Variants in POLR2E observed in about 807,000 individuals in gnomAD.
POLR2E encodes the protein RNA polymerase II, I and III subunit E, also known as DNA-directed RNA polymerases I, II, and III subunit RPABC1.
In POLR2E, 35 loss-of-function variants were observed where a neutral mutation model predicts 29.8. The observed-to-expected ratio is 1.17, with a 90% CI of 0.90 to 1.55. The LOEUF is 1.55. POLR2E is among the 40% of genes most tolerant of loss of function. The probability of loss-of-function intolerance (pLI) is 0.00; values close to 1 mark genes in which losing one functional copy is unlikely to be tolerated. For missense variants in POLR2E, 287 were observed against 288.6 expected (o/e 0.99, Z 0.04); for synonymous variants, 174 against 112.6 (o/e 1.55, Z -3.45).
intron 6 of POLR2E, 23 bp downstream of exon 6, chr19:1,089,861 C>G: frequency 6.3e-7 from 1 of 1,587,026 alleles, no homozygotes; most frequent in Non-Finnish European, 8.6e-7. Flanking sequence ...AGCCCCAGGG[C>G]CCCTTCTCCC....
Position 1,095,253 on chromosome 19 carries a change from G to A in POLR2E, c.57+6C>T, listed in dbSNP as rs377537583. 6.8e-6 allele frequency: 11 copies of A among 1,612,636 alleles called. No homozygotes were observed. Among genetic ancestry groups the A allele is most frequent in the South Asian group, 1.1e-5 (1 of 91,042 alleles). On this transcript the variant is annotated splice_donor_region_variant and intron_variant, in intron 1 of 7. Coordinates refer to ENST00000615234, the MANE Select transcript of POLR2E (RefSeq NM_002695.5). Reference sequence around the variant, plus strand: ...GCCCCCGCCCCCAACACCAGGCGCGGCTCACCTGCATGATGGTCTTGCGGA... The same window carrying A: ...GCCCCCGCCCCCAACACCAGGCGCGACTCACCTGCATGATGGTCTTGCGGA...
At chr19:1,093,210 A>T (rs1568515643) in intron 2 of POLR2E, among the ~76,000 whole-genome samples, 1 of 152,024 alleles carries the variant, frequency 6.6e-6, no homozygotes, top group South Asian at 2.1e-4. Context: ...AAAAAAAAAC[A>T]AAAAAACCCA....
At chr19:1,089,838 G>C in intron 6 of POLR2E, 46 bp downstream of exon 6, 1 of 1,473,686 alleles carries the variant, frequency 6.8e-7, no homozygotes, top group Non-Finnish European at 9.4e-7. Context: ...TCTCCGAGTG[G>C]TCAGCTCAGA....
rs768065417 is a variant in POLR2E, at chr19:1,095,289, C to G, written c.27G>C (p.Arg9=). MDDEEETY[R]LWKIRKTIMQ... is the part of the protein sequence containing the mutation. Reference sequence around the variant, plus strand: ...TGATGGTCTTGCGGATTTTCCAGAGCCGGTACGTCTCCTCCTCGTCGTCCA... The same window carrying G: ...TGATGGTCTTGCGGATTTTCCAGAGGCGGTACGTCTCCTCCTCGTCGTCCA... Residue 9 remains arginine, a synonymous_variant, in exon 1 of 8, where the codon CGG becomes CGC. Coordinates refer to ENST00000615234, the MANE Select transcript of POLR2E (RefSeq NM_002695.5). The G allele has an allele frequency of 6.2e-6, 10 of 1,613,304 alleles. No individual in the cohort carries two copies. The highest frequency in any genetic ancestry group is 8.5e-6 in the Non-Finnish European group (10 of 1,179,786).
chr19:1,091,308 C>T (rs943487230), intron 3 of POLR2E, among the ~76,000 whole-genome samples: 1 of 152,312 alleles, frequency 6.6e-6, no homozygotes, highest in East Asian at 1.9e-4. Flanking sequence ...TGTGTGGCTG[C>T]GTGAACCCCA....
Position 1,090,926 on chromosome 19 carries a change from G to A in POLR2E, c.411C>T (p.Ile137=), listed in dbSNP as rs1345716100. ...LEQFLQQELL[I]NITEHELVPE... is the part of the protein sequence containing the mutation. ...CGCCCACCTCGTGCTCCGTGATGTTGATGAGCAGCTCCTGCTGCAGAAACT... is the reference window on the plus strand; with the variant it reads ...CGCCCACCTCGTGCTCCGTGATGTTAATGAGCAGCTCCTGCTGCAGAAACT... Residue 137 remains isoleucine, a synonymous_variant, in exon 4 of 8, where the codon ATC becomes ATT. Coordinates refer to ENST00000615234, the MANE Select transcript of POLR2E (RefSeq NM_002695.5). 4 of 1,613,376 alleles carry A rather than the reference G, an allele frequency of 2.5e-6. No individual in the cohort carries two copies. The highest frequency in any genetic ancestry group is 3.4e-6 in the Non-Finnish European group (4 of 1,179,890).
rs527981895 is a variant in POLR2E at position 1,088,257 on chromosome 19, C to G, written c.*478G>C. ...CAACCGAGAACTCCAGAGCTGGCAT[C>G]TCGCACCCTGGTGGCTTGAGCGCGT... On this transcript the variant is annotated 3_prime_UTR_variant, in exon 8 of 8. Transcript: ENST00000615234. 17 of 152,554 alleles carry G rather than the reference C, an allele frequency of 1.1e-4. No homozygotes were observed. Among genetic ancestry groups the G allele is most frequent in the Non-Finnish European group, 1.9e-4 (13 of 68,056 alleles). The allele number at this position is 152,554 out of a possible 1,614,324, so 9.5% of individuals were successfully genotyped here. A position where few individuals can be genotyped will look rare whatever the true frequency, so the allele number is the denominator to read the frequency against.
chr19:1,090,254 C>G (rs2043800147), intron 4 of POLR2E, 109 bp from the exon 5 acceptor site: 1 of 928,274 alleles, frequency 1.1e-6, no homozygotes, highest in African/African-American at 1.6e-5. Context: ...AGCCCTGAAC[C>G]CCACCCCGAT....
chr19:1,093,205 AAAAC>A (rs1338843115), intron 2 of POLR2E, among the ~76,000 whole-genome samples: 5 of 152,144 alleles, frequency 3.3e-5, no homozygotes, highest in African/African-American at 9.7e-5. Flanking sequence ...AAACAAAAAA[AAAAC>A]AAAAAAACCC....
chr19:1,089,580 A>G (rs756854412), intron 6 of POLR2E, 29 bp from the exon 7 acceptor site: 80 of 1,594,410 alleles, frequency 5.0e-5, no homozygotes, highest in Middle Eastern at 1.7e-4. Context: ...GGGGCTGCGA[A>G]TGCTTGAGGG....
At chr19:1,090,237 G>A (rs1241850629) in intron 4 of POLR2E, 92 bp from the exon 5 acceptor site, 18 of 1,096,622 alleles carry the variant, frequency 1.6e-5, no homozygotes, top group Middle Eastern at 2.8e-4. Context: ...GCCTTCAGAC[G>A]GACAAGAGCC....
intron 3 of POLR2E, among the ~76,000 whole-genome samples, 180 bp from the exon 4 acceptor site, chr19:1,091,168 G>A (rs1412063211): frequency 6.6e-6 from 1 of 152,220 alleles, no homozygotes; most frequent in Non-Finnish European, 1.5e-5. Context: ...CAGCCTCTCT[G>A]CTCATCGAGA....
intron 3 of POLR2E, 66 bp downstream of exon 3, chr19:1,091,726 G>A (rs929690956): frequency 2.1e-5 from 23 of 1,104,072 alleles, no homozygotes; most frequent in Non-Finnish European, 3.0e-5. Flanking sequence ...GGCCGCCTGT[G>A]GGTACTGCTT....
At chr19:1,093,449 G>A (rs1233263933) in intron 2 of POLR2E, among the ~76,000 whole-genome samples, 5 of 152,120 alleles carry the variant, frequency 3.3e-5, no homozygotes, top group African/African-American at 9.7e-5. Flanking sequence ...GACGAGTACC[G>A]GACGCTGACA....
In POLR2E at chr19:1,093,907, G is replaced by C. The variant is rs1366284293; in HGVS notation, c.229C>G (p.Pro77Ala). The C allele has an allele frequency of 6.3e-7, 1 of 1,594,680 alleles. No homozygotes were observed. Among genetic ancestry groups the C allele is most frequent in the East Asian group, 2.3e-5 (1 of 44,170 alleles). The change falls in exon 2 of 8, where the codon CCA becomes GCA. Residue 77 changes from proline to alanine, a missense_variant. Physicochemically the swap from Pro to Ala is conservative, Grantham distance 27 (BLOSUM62 -1). Coordinates refer to ENST00000615234, the MANE Select transcript of POLR2E (RefSeq NM_002695.5). ...TCCCCCGGGACCCGCTGCTCACCTGGAAAGAACACAAACATCTGGTCGGTG... is the reference window on the plus strand; with the variant it reads ...TCCCCCGGGACCCGCTGCTCACCTGCAAAGAACACAAACATCTGGTCGGTG... ...DPTDQMFVFF[P>A]EEPKVGIKTI...
At chr19:1,091,985 G>C (rs1000748926) in intron 2 of POLR2E, 78 bp from the exon 3 acceptor site, 1 of 991,634 alleles carries the variant, frequency 1.0e-6, no homozygotes, top group Non-Finnish European at 1.6e-6. Flanking sequence ...AGAGCACCCA[G>C]GTTCCAGCCC....
chr19:1,092,666 C>G (rs1003304220), intron 2 of POLR2E, among the ~76,000 whole-genome samples: 1 of 151,180 alleles, frequency 6.6e-6, no homozygotes, highest in African/African-American at 2.4e-5. Context: ...CCAGCCTGGG[C>G]AACAGAGCAA....
intron 3 of POLR2E, 75 bp from the exon 4 acceptor site, chr19:1,091,063 C>G: frequency 7.5e-7 from 1 of 1,325,026 alleles, no homozygotes. Context: ...CCTCAAGCTA[C>G]CTGGGGCTTA....
chr19:1,092,255 CACCCCAGG>C, intron 2 of POLR2E: 1 of 232,760 alleles, frequency 4.3e-6, no homozygotes, highest in South Asian at 5.8e-5. Flanking sequence ...GCAGACCTCA[CACCCCAGG>C]ACGCTCTCTT....
Sources: gnomAD v4.1 joint callset for allele counts (sites outside exome capture counted in the v4.1 genomes callset) on GRCh38, gnomAD v4.1.1 for gene constraint, MANE v1.5 for transcripts, NCBI Gene and HGNC (gene_info 2026-07-23, HGNC 2026-07-21) for gene names.